The following NPNT variants were observed in gnomAD, a reference collection of about 807,000 sequenced individuals.
NPNT encodes the protein nephronectin.
In NPNT, 45 loss-of-function variants were observed where a neutral mutation model predicts 68.6. That is an observed-to-expected ratio of 0.66 (90% CI 0.52 to 0.84). The LOEUF (loss-of-function observed/expected upper bound fraction) is 0.84, where lower values mean the gene tolerates loss of function less well. Ranked by LOEUF, NPNT falls within the 40% of genes least tolerant of loss-of-function variation. NPNT has a pLI of 0.00. For synonymous variants in NPNT, 233 were observed against 253.3 expected, an observed-to-expected ratio of 0.92 and a Z score of 0.76; for missense variants, 672 against 714.8, an observed-to-expected ratio of 0.94 and a Z score of 0.68.
intron 2 of NPNT, among the ~76,000 whole-genome samples, chr4:105,926,597 C>T (rs182941133): frequency 9.5e-4 from 144 of 152,168 alleles, no homozygotes; most frequent in African/African-American, 3.1e-3. Context: ...AGAGAATAAA[C>T]GGAATAAATT....
chr4:105,967,491 A>G (rs778441845), intron 11 of NPNT, 47 bp downstream of exon 11: 3 of 1,487,164 alleles, frequency 2.0e-6, no homozygotes, highest in South Asian at 2.7e-5. Context: ...TTTTCCTTTC[A>G]TAGGAGAACT....
rs141498600 is a variant in NPNT, at chr4:105,936,300, A to G, written c.266-709A>G. Among the ~76,000 whole-genome samples the G allele has an allele frequency of 3.2e-3, 480 of 152,322 alleles. 2 individuals are homozygous for G. Among genetic ancestry groups the G allele is most frequent in the African/African-American group, 0.011 (448 of 41,570 alleles). On this transcript the variant is annotated intron_variant, in intron 3 of 11. Coordinates refer to ENST00000379987, the MANE Select transcript of NPNT (RefSeq NM_001033047.3). Reference sequence around the variant, plus strand: ...TTTTAAAGTTCATTTTGTGACTTGAATGCATTACTAAAGTAGGAAACTGAA... The same window carrying G: ...TTTTAAAGTTCATTTTGTGACTTGAGTGCATTACTAAAGTAGGAAACTGAA...
intron 8 of NPNT, among the ~76,000 whole-genome samples, chr4:105,948,049 C>G: frequency 6.6e-6 from 1 of 152,152 alleles, no homozygotes; most frequent in Admixed American, 6.5e-5. Context: ...ATATGCTTAA[C>G]TAGCTAAATT....
intron 2 of NPNT, chr4:105,911,816 C>T (rs1309798258): frequency 6.0e-5 from 12 of 200,428 alleles, no homozygotes; most frequent in East Asian, 1.6e-4. Flanking sequence ...ATGTGTTTTC[C>T]AACTCCAATT....
intron 8 of NPNT, among the ~76,000 whole-genome samples, chr4:105,947,476 C>T (rs952535378): frequency 2.9e-4 from 44 of 152,276 alleles, no homozygotes; most frequent in African/African-American, 9.1e-4. Context: ...TCCCTCCATT[C>T]GGGGTCCCTG....
chr4:105,912,509 A>G (rs975679254), intron 2 of NPNT: 1 of 593,770 alleles, frequency 1.7e-6, no homozygotes, highest in African/African-American at 2.0e-5. Context: ...CTCCATTCTA[A>G]GCTAAAGGAC....
chr4:105,912,954 G>A (rs978103646), intron 2 of NPNT, among the ~76,000 whole-genome samples: 1 of 152,112 alleles, frequency 6.6e-6, no homozygotes, highest in Admixed American at 6.6e-5. Flanking sequence ...TGCAAACTCC[G>A]CCTCTTAGGT....
rs1466147549 is a variant in NPNT, at chr4:105,970,053, C to T, written c.*1063C>T. 1 of 208,668 alleles carries T rather than the reference C, an allele frequency of 4.8e-6. No homozygotes were observed. Among genetic ancestry groups the T allele is most frequent in the Non-Finnish European group, 9.6e-6 (1 of 103,982 alleles). The allele number at this position is 208,668 out of a possible 1,614,324, so 12.9% of individuals were successfully genotyped here. A position where few individuals can be genotyped will look rare whatever the true frequency, so the allele number is the denominator to read the frequency against. On this transcript the variant is annotated 3_prime_UTR_variant, in exon 12 of 12. Transcript: ENST00000379987. The stretch of plus-strand genomic sequence containing the variant: ...TGAGAGGAAGCATAGGGGGAAACTC[C>T]ATTGGAACAGATTTTCACACAACGT...
chr4:105,929,028 GC>G (rs1728907559), intron 3 of NPNT, among the ~76,000 whole-genome samples: 1 of 151,932 alleles, frequency 6.6e-6, no homozygotes, highest in East Asian at 1.9e-4. Context: ...GTATACATGT[GC>G]CTTGGTGATT....
chr4:105,904,071 A>G (rs1157776747), intron 2 of NPNT, among the ~76,000 whole-genome samples: 14 of 152,180 alleles, frequency 9.2e-5, no homozygotes. Context: ...AGCGTGAGCC[A>G]TCTTGCCCAG....
At chr4:105,937,662 T>G (rs757481430) in intron 4 of NPNT, among the ~76,000 whole-genome samples, 13 of 152,166 alleles carry the variant, frequency 8.5e-5, no homozygotes, top group Non-Finnish European at 1.9e-4. Context: ...TAAATGAATA[T>G]GATACCAGAA....
chr4:105,962,779 T>C (rs1731821386), intron 10 of NPNT, among the ~76,000 whole-genome samples: 1 of 152,158 alleles, frequency 6.6e-6, no homozygotes, highest in African/African-American at 2.4e-5. Flanking sequence ...AACCCAGCAC[T>C]GATGGGAAAA....
chr4:105,895,879 C>T (rs901048741), intron 1 of NPNT, 156 bp downstream of exon 1: 5 of 660,218 alleles, frequency 7.6e-6, no homozygotes, highest in South Asian at 2.0e-5. Context: ...GAGAGCGGTC[C>T]AGCGGCTCCG....
intron 3 of NPNT, among the ~76,000 whole-genome samples, chr4:105,931,948 T>G (rs1447669291): frequency 1.3e-5 from 2 of 152,224 alleles, no homozygotes; most frequent in Non-Finnish European, 2.9e-5. Context: ...ACGTGATTGT[T>G]AAGTCTCAAC....
Position 105,970,487 on chromosome 4 carries a change from C to A in NPNT, c.*1497C>A. 1.4e-6 allele frequency: 1 copy of A among 694,956 alleles called. No homozygotes were observed. The highest frequency in any genetic ancestry group is 1.5e-5 in the South Asian group (1 of 67,352). 43.0% of individuals were successfully genotyped at this position (694,956 alleles called of 1,614,324 possible). On this transcript the variant is annotated 3_prime_UTR_variant, in exon 12 of 12. Coordinates refer to ENST00000379987, the MANE Select transcript of NPNT (RefSeq NM_001033047.3). Reference sequence around the variant, plus strand: ...GAGAAGAGAAGACTGAGGGGCAAACCATTGATGGTTTTCAAGTATATGAAG... The same window carrying A: ...GAGAAGAGAAGACTGAGGGGCAAACAATTGATGGTTTTCAAGTATATGAAG...
chr4:105,928,627 AAAAG>A (rs1728871963), intron 3 of NPNT, among the ~76,000 whole-genome samples: 1 of 151,736 alleles, frequency 6.6e-6, no homozygotes, highest in Non-Finnish European at 1.5e-5. Flanking sequence ...AAAAAAAAAA[AAAAG>A]AAAAAAAAAT....
At chr4:105,927,470 T>C in intron 3 of NPNT, 42 bp downstream of exon 3, 1 of 1,166,404 alleles carries the variant, frequency 8.6e-7, no homozygotes, top group South Asian at 1.4e-5. Flanking sequence ...CGAAGACACC[T>C]CTATCACTCC....
intron 10 of NPNT, 82 bp downstream of exon 10, chr4:105,959,208 T>C: frequency 1.2e-6 from 1 of 824,764 alleles, no homozygotes; most frequent in Non-Finnish European, 2.1e-6. Context: ...TAATCAAGTC[T>C]ACTGTAACAC....
intron 8 of NPNT, among the ~76,000 whole-genome samples, chr4:105,949,589 T>G (rs1465096468): frequency 6.6e-6 from 1 of 152,140 alleles, no homozygotes; most frequent in Non-Finnish European, 1.5e-5. Context: ...AAAACTCTGG[T>G]GTCACAGGGG....
Sources: allele counts gnomAD v4.1 joint callset (sites outside exome capture counted in the v4.1 genomes callset), GRCh38; gene constraint gnomAD v4.1.1; transcripts MANE v1.5; gene names NCBI Gene and HGNC (gene_info 2026-07-23, HGNC 2026-07-21).